MATR3: variants seen among roughly 807,000 people sequenced by gnomAD.
MATR3 encodes the protein matrin-3.
In MATR3, 4 loss-of-function variants were observed where a neutral mutation model predicts 85.5. That is an observed-to-expected ratio of 0.05 (90% confidence interval 0.02 to 0.11). The LOEUF is 0.11. MATR3 is among the 10% of genes least tolerant of loss of function. MATR3 has a pLI of 1.00. For missense variants in MATR3, 685 were observed against 1,016.1 expected (o/e 0.67, Z 4.43); for synonymous variants, 336 against 343.1 (o/e 0.98, Z 0.23).
chr5:139,331,471 G>A lies in MATR3; in HGVS notation c.*2076G>A, dbSNP rs1341674332. ...CTATGTTTTTAATACCTACATTTGA[G>A]AGCATTTAGAAATCAGAAATTATAA... On this transcript the variant is annotated 3_prime_UTR_variant, in exon 15 of 15. Coordinates refer to ENST00000394805, the MANE Select transcript of MATR3 (RefSeq NM_018834.6). 1 of 454,112 alleles carries A rather than the reference G, an allele frequency of 2.2e-6. No homozygotes were observed. The highest frequency in any genetic ancestry group is 4.4e-6 in the Non-Finnish European group (1 of 226,794). The allele number at this position is 454,112 out of a possible 1,614,324, so 28.1% of individuals were successfully genotyped here. A position where few individuals can be genotyped will look rare whatever the true frequency, so the allele number is the denominator to read the frequency against.
At chr5:139,302,209 C>T (rs552807462) in intron 1 of MATR3, among the ~76,000 whole-genome samples, 5 of 152,168 alleles carry the variant, frequency 3.3e-5, no homozygotes, top group East Asian at 3.9e-4. Flanking sequence ...GTAATCTGCC[C>T]GCCTCGGCCT....
chr5:139,319,146 A>C, intron 8 of MATR3, 113 bp downstream of exon 8: 1 of 1,341,122 alleles, frequency 7.5e-7, no homozygotes, highest in Non-Finnish European at 1.1e-6. Flanking sequence ...TCACGCCTGT[A>C]ATCCCAGCAC....
intron 3 of MATR3, among the ~76,000 whole-genome samples, chr5:139,286,946 A>G (rs1022345641): frequency 1.3e-5 from 2 of 152,084 alleles, no homozygotes; most frequent in Non-Finnish European, 2.9e-5. Context: ...GCTCCATGAG[A>G]GCAGAGACCT....
intron 1 of MATR3, among the ~76,000 whole-genome samples, chr5:139,301,436 C>T (rs1370284150): frequency 1.3e-5 from 2 of 152,082 alleles, no homozygotes; most frequent in East Asian, 3.9e-4. Context: ...TCTCCTGCCT[C>T]AGCCTCCCAA....
chr5:139,322,749 A>G lies in MATR3; in HGVS notation c.1930A>G (p.Thr644Ala). ...DGEKDTKDDQ[T>A]EQEPNMLLES... ...TGAGAAAGACACAAAGGATGACCAG[A>G]CAGAGCAGGAACCTAATATGCTTCT... The change falls in exon 12 of 15, where the codon ACA becomes GCA. Residue 644 changes from threonine (T) to alanine (A), a missense_variant. Thr to Ala is a moderately conservative substitution (Grantham distance 58). Coordinates refer to ENST00000394805, the MANE Select transcript of MATR3 (RefSeq NM_018834.6). The G allele has an allele frequency of 6.2e-7, 1 of 1,614,208 alleles. No homozygotes were observed. Among genetic ancestry groups the G allele is most frequent in the South Asian group, 1.1e-5 (1 of 91,088 alleles).
At chr5:139,321,747 C>T (rs973039366) in intron 9 of MATR3, 151 bp from the exon 10 acceptor site, 4 of 771,110 alleles carry the variant, frequency 5.2e-6, no homozygotes, top group Non-Finnish European at 4.1e-6. Flanking sequence ...TGCGCCACTG[C>T]ATTCCAGCCT....
rs112983653 is a variant in MATR3, at chr5:139,319,693, C to G, written c.1602+192C>G. 0.012 allele frequency among the ~76,000 whole-genome samples: 1,862 copies of G among 151,480 alleles called. 46 individuals are homozygous for G. Among genetic ancestry groups the G allele is most frequent in the African/African-American group, 0.043 (1,774 of 41,256 alleles). ...TGAAATCGTATCTCTATTAAAAATACAAAAATTATCCAGGCGTGATGTGCC... is the reference window on the plus strand; with the variant it reads ...TGAAATCGTATCTCTATTAAAAATAGAAAAATTATCCAGGCGTGATGTGCC... On this transcript the variant is annotated intron_variant, in intron 9 of 14. Coordinates refer to ENST00000394805, the MANE Select transcript of MATR3 (RefSeq NM_018834.6).
intron 1 of MATR3, among the ~76,000 whole-genome samples, chr5:139,302,090 A>G (rs1038509732): frequency 6.6e-6 from 1 of 152,214 alleles, no homozygotes; most frequent in Non-Finnish European, 1.5e-5. Flanking sequence ...TATCTTTTCT[A>G]TTGTATGATG....
At chr5:139,287,958 C>T (rs925412599) in intron 3 of MATR3, among the ~76,000 whole-genome samples, 1 of 152,158 alleles carries the variant, frequency 6.6e-6, no homozygotes, top group Non-Finnish European at 1.5e-5. Context: ...CACCTCTAAT[C>T]CCAGTACTTT....
intron 1 of MATR3, among the ~76,000 whole-genome samples, chr5:139,296,051 C>T (rs924895454): frequency 1.8e-4 from 28 of 152,140 alleles, no homozygotes; most frequent in Admixed American, 1.8e-3. Flanking sequence ...GTTGAACTCT[C>T]GGAGCTCTTA....
intron 1 of MATR3, among the ~76,000 whole-genome samples, chr5:139,300,988 A>G (rs1340588067): frequency 6.6e-6 from 1 of 151,638 alleles, no homozygotes; most frequent in East Asian, 1.9e-4. Context: ...TCTTTTTTGT[A>G]TTTTTGGGTA....
chr5:139,314,800 T>C (rs929155047), intron 3 of MATR3, 64 bp downstream of exon 3: 2 of 1,462,088 alleles, frequency 1.4e-6, no homozygotes, highest in African/African-American at 2.8e-5. Flanking sequence ...TTATTGGTTT[T>C]TGGGAGTTCA....
In MATR3 at chr5:139,324,290, GTT is replaced by G. The variant is rs767660135; in HGVS notation, c.2149-1131_2149-1130del. Among the ~76,000 whole-genome samples the G allele has an allele frequency of 7.0e-3, 755 of 107,698 alleles. 4 individuals carry two copies. Among genetic ancestry groups the G allele is most frequent in the African/African-American group, 0.024 (710 of 29,204 alleles). The allele number at this position is 107,698 out of a possible 152,430, so 70.7% of individuals were successfully genotyped here. On this transcript the variant is annotated intron_variant, in intron 12 of 14. Coordinates refer to ENST00000394805, the MANE Select transcript of MATR3 (RefSeq NM_018834.6). ...GGCAGTCATTCTTCAGAGCATGATT[GTT>G]TTTTTTTTTTTTTTTTTTGGAGACG...
chr5:139,307,215 CTA>C lies in MATR3; in HGVS notation c.-177-23_-177-22del. 1 of 1,273,000 alleles carries C rather than the reference CTA, an allele frequency of 7.9e-7. No homozygotes were observed. The highest frequency in any genetic ancestry group is 9.9e-7 in the Non-Finnish European group (1 of 1,012,286). 78.9% of individuals were successfully genotyped at this position (1,273,000 alleles called of 1,614,324 possible). ...GGCATCTGCTTAAAGGGATTTATGA[CTA>C]AAATTGCTTATTTTTCTACAGAGTT... is the stretch of plus-strand genomic sequence containing the variant. On this transcript the variant is annotated intron_variant, in intron 1 of 14. Coordinates refer to ENST00000394805, the MANE Select transcript of MATR3 (RefSeq NM_018834.6). This position sits in a 1 kb window ranked among gnomAD's most constrained non-coding sequence, Gnocchi z 4.4.
upstream of MATR3, chr5:139,293,721 C>T (rs1320391588): frequency 5.6e-5 from 20 of 357,140 alleles, no homozygotes; most frequent in South Asian, 1.5e-4. Flanking sequence ...TCGCCAGCGC[C>T]GTTGCTGCGG....
chr5:139,281,868 A>G (rs542025706), intron 3 of MATR3, among the ~76,000 whole-genome samples: 1 of 152,286 alleles, frequency 6.6e-6, no homozygotes, highest in African/African-American at 2.4e-5. Context: ...AAACACCCCC[A>G]CCAACCTTGA....
At position 139,323,307 on chromosome 5, in the gene MATR3, G is replaced by A. The variant is rs147911495; in HGVS notation, c.2148+340G>A. On this transcript the variant is annotated intron_variant, in intron 12 of 14. Coordinates refer to ENST00000394805, the MANE Select transcript of MATR3 (RefSeq NM_018834.6). The stretch of plus-strand genomic sequence containing the variant: ...AGCTTTGAAAAAAAAAATACAGGAC[G>A]TGAGTTTGCAGTAAGTTAACTGACC... Among the ~76,000 whole-genome samples the A allele has an allele frequency of 6.4e-3, 968 of 151,912 alleles. 8 individuals are homozygous for A. Among genetic ancestry groups the A allele is most frequent in the Admixed American group, 7.8e-3 (119 of 15,252 alleles).
intron 9 of MATR3, 76 bp from the exon 10 acceptor site, chr5:139,321,822 G>A (rs1188720209): frequency 2.4e-5 from 35 of 1,465,484 alleles, no homozygotes; most frequent in Non-Finnish European, 3.1e-5. Context: ...TAACCAGTAG[G>A]TAGAATACAT....
In MATR3 at chr5:139,293,761, G is replaced by T; in HGVS notation, c.-222G>T. 3 of 385,660 alleles carry T rather than the reference G, an allele frequency of 7.8e-6. No individual in the cohort carries two copies. The highest frequency in any genetic ancestry group is 1.4e-5 in the Non-Finnish European group (3 of 218,346). 23.9% of individuals were successfully genotyped at this position (385,660 alleles called of 1,614,324 possible). On this transcript the variant is annotated 5_prime_UTR_variant, in exon 1 of 15. Coordinates refer to ENST00000394805, the MANE Select transcript of MATR3 (RefSeq NM_018834.6). ...TTGTGGGAGTCTCCGCGTCCCGCTCGCTGGGAGAGAGGTACCTCTCCTTTT... is the reference window on the plus strand; with the variant it reads ...TTGTGGGAGTCTCCGCGTCCCGCTCTCTGGGAGAGAGGTACCTCTCCTTTT...
Sources: allele counts gnomAD v4.1 joint callset (sites outside exome capture counted in the v4.1 genomes callset), GRCh38; gene constraint gnomAD v4.1.1; non-coding constraint Gnocchi (gnomAD v3.1); transcripts MANE v1.5; gene names NCBI Gene and HGNC (gene_info 2026-07-23, HGNC 2026-07-21).